The following SERPINA5 variants were observed in gnomAD, a reference collection of about 807,000 sequenced individuals.
The protein encoded by SERPINA5 is plasma serine protease inhibitor.
In SERPINA5, 25 loss-of-function variants were observed where a neutral mutation model predicts 25.3. The ratio of observed to expected loss-of-function variants is 0.99; its 90% CI spans 0.72 to 1.38. The LOEUF is 1.38. Ranked by LOEUF, SERPINA5 falls within the 40% of genes most tolerant of loss-of-function variation. The probability of loss-of-function intolerance (pLI) is 0.00; values close to 1 mark genes in which losing one functional copy is unlikely to be tolerated. For synonymous variants in SERPINA5, 234 were observed against 206.2 expected, an observed-to-expected ratio of 1.14 and a Z score of -1.16; for missense variants, 599 against 509.5, an observed-to-expected ratio of 1.18 and a Z score of -1.69.
intron 4 of SERPINA5, 43 bp downstream of exon 4, chr14:94,590,354 C>CCCAGGGAGACACACACGCCCTA (rs1885239811): frequency 1.3e-6 from 2 of 1,539,946 alleles, no homozygotes; most frequent in Admixed American, 3.8e-5. Flanking sequence ...CCCACACAGC[C>CCCAGGGAGACACACACGCCCTA]CCAGGGAGAC....
chr14:94,592,114 A>G lies in SERPINA5; in HGVS notation c.1096A>G (p.Thr366Ala), dbSNP rs1410188447. 1 of 1,614,066 alleles carries G rather than the reference A, an allele frequency of 6.2e-7. No homozygotes were observed. Among genetic ancestry groups the G allele is most frequent in the Admixed American group, 1.7e-5 (1 of 60,012 alleles). ...DESGTRAAAA[T>A]GTIFTFRSAR... ...GTCGGGAACCAGAGCAGCGGCAGCC[A>G]CGGGGACAATATTCACTTTCAGGTC... Residue 366 changes from threonine to alanine, a missense_variant, in exon 6 of 6, where the codon ACG becomes GCG. Physicochemically the swap from Thr to Ala is moderately conservative, Grantham distance 58. Transcript: ENST00000329597.
chr14:94,587,708 C>T lies in SERPINA5; in HGVS notation c.346C>T (p.Gln116Ter), dbSNP rs541335090. The T allele has an allele frequency of 6.2e-7, 1 of 1,614,168 alleles. No individual in the cohort carries two copies. The highest frequency in any genetic ancestry group is 1.3e-5 in the African/African-American group (1 of 75,062). Residue 116 changes from glutamine to a stop codon, truncating the protein, a stop_gained, in exon 3 of 6, where the codon CAG becomes TAG. Coordinates refer to ENST00000329597, the MANE Select transcript of SERPINA5 (RefSeq NM_000624.6). LOFTEE classifies it high-confidence loss of function. ...ELHRGFQQLL[Q>*]ELNQPRDGFQ... Reference sequence around the variant, plus strand: ...GCACAGAGGCTTTCAGCAGCTCCTTCAGGAACTCAACCAGCCCAGAGATGG... The same window carrying T: ...GCACAGAGGCTTTCAGCAGCTCCTTTAGGAACTCAACCAGCCCAGAGATGG...
At chr14:94,583,442 T>C (rs1884978400) in intron 2 of SERPINA5, among the ~76,000 whole-genome samples, 1 of 152,172 alleles carries the variant, frequency 6.6e-6, no homozygotes, top group Admixed American at 6.5e-5. Context: ...TTCTGGGAAG[T>C]TCTGTTCCTG....
chr14:94,591,963 A>C, intron 5 of SERPINA5, 94 bp from the exon 6 acceptor site: 1 of 1,341,296 alleles, frequency 7.5e-7, no homozygotes, highest in South Asian at 1.4e-5. Context: ...ACAGATACTT[A>C]GAGGTTGATG....
At chr14:94,583,302 G>GCC (rs1884973365) in intron 2 of SERPINA5, among the ~76,000 whole-genome samples, 1 of 152,232 alleles carries the variant, frequency 6.6e-6, no homozygotes, top group African/African-American at 2.4e-5. Context: ...CCCTGGGGGA[G>GCC]ATGAAGGGAG....
chr14:94,582,847 T>G (rs1339956813), intron 2 of SERPINA5, among the ~76,000 whole-genome samples: 3 of 152,190 alleles, frequency 2.0e-5, no homozygotes, highest in Non-Finnish European at 2.9e-5. Context: ...AAGGGACTGT[T>G]CCAGAGAATA....
rs554477791 is a variant in SERPINA5, at chr14:94,589,167, C to T, written c.620-874C>T. Among the ~76,000 whole-genome samples, 10 of 152,264 alleles carry T rather than the reference C, an allele frequency of 6.6e-5. No homozygotes were observed. In the South Asian group the frequency reaches 2.1e-3, roughly 32 times the overall value. On this transcript the variant is annotated intron_variant, in intron 3 of 5. Transcript: ENST00000329597. ...TAACGATTAAGAAGTTGGAAACAGG[C>T]CAGGCATGGTGGCTCACGCCTATAA... is the stretch of plus-strand genomic sequence containing the variant.
intron 3 of SERPINA5, among the ~76,000 whole-genome samples, chr14:94,589,530 T>C (rs1433838726): frequency 6.6e-6 from 1 of 152,164 alleles, no homozygotes; most frequent in East Asian, 1.9e-4. Flanking sequence ...TGTAGCGTTT[T>C]GTTCAGAAGT....
intron 2 of SERPINA5, among the ~76,000 whole-genome samples, chr14:94,584,310 CT>C (rs1885006215): frequency 6.6e-6 from 1 of 152,138 alleles, no homozygotes; most frequent in South Asian, 2.1e-4. Flanking sequence ...AAATAGAGAG[CT>C]TACTTTTGGT....
rs185975324 is a variant in SERPINA5 at position 94,589,405 on chromosome 14, G to T, written c.620-636G>T. Among the ~76,000 whole-genome samples, 15 of 151,626 alleles carry T rather than the reference G, an allele frequency of 9.9e-5. No individual in the cohort carries two copies. In the South Asian group the frequency reaches 2.7e-3, roughly 27 times the overall value. ...GGGGGCTGTAGTGAGCCAAAATTGC[G>T]CCACTGCACTCCAGCATGGGTCACA... On this transcript the variant is annotated intron_variant, in intron 3 of 5. Coordinates refer to ENST00000329597, the MANE Select transcript of SERPINA5 (RefSeq NM_000624.6).
rs1884921456 is a variant in SERPINA5 at position 94,581,619 on chromosome 14, AG to A, written c.-107del. The A allele has an allele frequency of 6.6e-6, 1 of 152,254 alleles. No homozygotes were observed. Among genetic ancestry groups the A allele is most frequent in the African/African-American group, 2.4e-5 (1 of 41,466 alleles). The allele number at this position is 152,254 out of a possible 1,614,324, so 9.4% of individuals were successfully genotyped here. A position where few individuals can be genotyped will look rare whatever the true frequency, so the allele number is the denominator to read the frequency against. The stretch of plus-strand genomic sequence containing the variant: ...GAAGGAGTCTCATCTCTGCAGTTTC[AG>A]GTATCCAAGGCAGCAGAGGTGAGTG... On this transcript the variant is annotated 5_prime_UTR_variant, in exon 2 of 6. Coordinates refer to ENST00000329597, the MANE Select transcript of SERPINA5 (RefSeq NM_000624.6).
At chr14:94,588,204 G>A (rs765550237) in intron 3 of SERPINA5, among the ~76,000 whole-genome samples, 1 of 152,176 alleles carries the variant, frequency 6.6e-6, no homozygotes, top group African/African-American at 2.4e-5. Flanking sequence ...CCTCCACGGA[G>A]GAAGAGCTGG....
chr14:94,590,166 A>C lies in SERPINA5; in HGVS notation c.745A>C (p.Asn249His), dbSNP rs1885231255. 4 of 1,614,174 alleles carry C rather than the reference A, an allele frequency of 2.5e-6. No individual in the cohort carries two copies. Among genetic ancestry groups the C allele is most frequent in the Non-Finnish European group, 3.4e-6 (4 of 1,180,020 alleles). Reference protein sequence around the residue: ...EDQYHYLLDRNLSCRVVGVPY... With the variant: ...EDQYHYLLDRHLSCRVVGVPY... ...TCAGTATCACTACCTCCTGGACCGG[A>C]ACCTCTCCTGCAGGGTGGTGGGGGT... is the stretch of plus-strand genomic sequence containing the variant. Residue 249 changes from asparagine (N) to histidine (H), a missense_variant, in exon 4 of 6, where the codon AAC (asparagine) becomes CAC (histidine). By Grantham distance (68) the Asn-to-His change is moderately conservative. Coordinates refer to ENST00000329597, the MANE Select transcript of SERPINA5 (RefSeq NM_000624.6).
chr14:94,592,272 G>T lies in SERPINA5; in HGVS notation c.*33G>T, dbSNP rs555338597. On this transcript the variant is annotated 3_prime_UTR_variant, in exon 6 of 6. Transcript: ENST00000329597. Reference sequence around the variant, plus strand: ...CTTCTCCTGAAATCTACAGGCCTCAGGGTGGGAGATGAAGGGGGCTAAGCT... The same window carrying T: ...CTTCTCCTGAAATCTACAGGCCTCATGGTGGGAGATGAAGGGGGCTAAGCT... 6.3e-7 allele frequency: 1 copy of T among 1,593,324 alleles called. No individual in the cohort carries two copies. The highest frequency in any genetic ancestry group is 1.7e-5 in the Admixed American group (1 of 58,228).
Position 94,587,458 on chromosome 14 carries a change from G to T in SERPINA5, c.96G>T (p.Glu32Asp), listed in dbSNP as rs569845994. Residue 32 changes from glutamate (E) to aspartate (D), a missense_variant, in exon 3 of 6, where the codon GAG becomes GAT. Physicochemically the swap from Glu to Asp is conservative, Grantham distance 45 (BLOSUM62 2). Coordinates refer to ENST00000329597, the MANE Select transcript of SERPINA5 (RefSeq NM_000624.6). ...CCCGGGAGATGAAGAAGAGAGTCGA[G>T]GACCTCCATGTAGGTGCCACGGTGG... ...HHPREMKKRV[E>D]DLHVGATVAP... The T allele has an allele frequency of 6.2e-7, 1 of 1,614,184 alleles. No individual in the cohort carries two copies. The highest frequency in any genetic ancestry group is 2.2e-5 in the East Asian group (1 of 44,868).
chr14:94,582,702 TGACTGCAA>T (rs1245602953), intron 2 of SERPINA5, among the ~76,000 whole-genome samples: 1 of 152,222 alleles, frequency 6.6e-6, no homozygotes, highest in East Asian at 1.9e-4. Context: ...GCATCTCTCC[TGACTGCAA>T]GCTCTTGAAG....
intron 3 of SERPINA5, among the ~76,000 whole-genome samples, 199 bp from the exon 4 acceptor site, chr14:94,589,842 C>G (rs367808132): frequency 1.3e-5 from 2 of 152,062 alleles, no homozygotes; most frequent in African/African-American, 2.4e-5. Flanking sequence ...AAAAGTCCCA[C>G]GAAAAGTCCA....
chr14:94,587,262 T>G, intron 2 of SERPINA5, 84 bp from the exon 3 acceptor site: 6 of 1,222,994 alleles, frequency 4.9e-6, no homozygotes, highest in Non-Finnish European at 6.8e-6. Context: ...ACATACCCAT[T>G]GAGTGTTGGG....
At chr14:94,590,570 G>C in intron 4 of SERPINA5, 179 bp from the exon 5 acceptor site, 1 of 828,740 alleles carries the variant, frequency 1.2e-6, no homozygotes, top group South Asian at 2.1e-5. Context: ...TCCAGAGCAA[G>C]GGGAGGCTCA....
Sources: allele counts gnomAD v4.1 joint callset (sites outside exome capture counted in the v4.1 genomes callset), GRCh38; gene constraint gnomAD v4.1.1; transcripts MANE v1.5; gene names NCBI Gene and HGNC (gene_info 2026-07-23, HGNC 2026-07-21).